The following KCNJ6 variants were observed in gnomAD, a reference collection of about 807,000 sequenced individuals.
KCNJ6 encodes the protein potassium inwardly rectifying channel subfamily J member 6.
In KCNJ6, 9 loss-of-function variants were observed where a neutral mutation model predicts 34.2. That is an observed-to-expected ratio of 0.26 (90% confidence interval 0.16 to 0.46). The LOEUF (loss-of-function observed/expected upper bound fraction) is 0.46, where lower values mean the gene tolerates loss of function less well. Ranked by LOEUF, KCNJ6 falls within the 20% of genes least tolerant of loss-of-function variation. KCNJ6 has a pLI of 1.00. For synonymous variants in KCNJ6, 196 were observed against 207.1 expected (o/e 0.95, Z 0.46); for missense variants, 236 against 531.3 (o/e 0.44, Z 5.46).
chr21:37,720,110 T>G (rs889768693), intron 2 of KCNJ6, among the ~76,000 whole-genome samples: 1 of 145,578 alleles, frequency 6.9e-6, no homozygotes. Context: ...GGTGGGGGGG[T>G]TCATGAGTAC....
intron 2 of KCNJ6, among the ~76,000 whole-genome samples, chr21:37,823,970 C>T (rs11910276): frequency 0.19 from 29,073 of 152,018 alleles, 4,398 homozygotes; most frequent in East Asian, 0.44. Flanking sequence ...ATTATCACCA[C>T]AAAAATGATG....
chr21:37,910,128 A>T (rs2055860171), intron 1 of KCNJ6, among the ~76,000 whole-genome samples: 1 of 152,206 alleles, frequency 6.6e-6, no homozygotes, highest in South Asian at 2.1e-4. Context: ...GCAGAGCCAC[A>T]GCTGACCAGC....
At chr21:37,874,412 T>C (rs2055667521) in intron 1 of KCNJ6, among the ~76,000 whole-genome samples, 1 of 152,236 alleles carries the variant, frequency 6.6e-6, no homozygotes, top group African/African-American at 2.4e-5. Context: ...TCTCCAGCCC[T>C]TGAACTCCAG....
At chr21:37,744,168 G>C (rs974537362) in intron 2 of KCNJ6, among the ~76,000 whole-genome samples, 2 of 128,554 alleles carry the variant, frequency 1.6e-5, no homozygotes, top group Non-Finnish European at 3.3e-5. Context: ...GTTGTGGGGT[G>C]GGGGGAGGGG....
chr21:37,865,603 A>AG (rs1332751662), intron 1 of KCNJ6, among the ~76,000 whole-genome samples: 14 of 152,356 alleles, frequency 9.2e-5, no homozygotes, highest in South Asian at 2.1e-4. Flanking sequence ...TTATGAATGG[A>AG]GGAGCCAGCT....
At chr21:37,700,639 G>T (rs2054685809) in intron 3 of KCNJ6, among the ~76,000 whole-genome samples, 1 of 152,170 alleles carries the variant, frequency 6.6e-6, no homozygotes, top group Non-Finnish European at 1.5e-5. Flanking sequence ...GGGCTTGGTG[G>T]CATGAACCAG....
At chr21:37,717,756 A>G (rs2054801220) in intron 2 of KCNJ6, among the ~76,000 whole-genome samples, 2 of 152,168 alleles carry the variant, frequency 1.3e-5, no homozygotes. Context: ...GTGCAAAGCC[A>G]CCCTAAGCTC....
At chr21:37,899,912 C>T (rs1466763058) in intron 1 of KCNJ6, among the ~76,000 whole-genome samples, 1 of 152,206 alleles carries the variant, frequency 6.6e-6, no homozygotes, top group Non-Finnish European at 1.5e-5. Flanking sequence ...GTTAATTCCT[C>T]CTTTACAACT....
intron 3 of KCNJ6, among the ~76,000 whole-genome samples, chr21:37,688,413 TG>T (rs1254848248): frequency 6.6e-6 from 1 of 152,042 alleles, no homozygotes; most frequent in Admixed American, 6.6e-5. Flanking sequence ...TTCTATGCTA[TG>T]TTTTTTTTTA....
chr21:37,873,460 G>C (rs1028133483), intron 1 of KCNJ6, among the ~76,000 whole-genome samples: 1 of 152,190 alleles, frequency 6.6e-6, no homozygotes, highest in Non-Finnish European at 1.5e-5. Flanking sequence ...AGGCAGACTA[G>C]TGCAGTCAGT....
At chr21:37,721,911 G>A (rs2054828431) in intron 2 of KCNJ6, among the ~76,000 whole-genome samples, 2 of 152,118 alleles carry the variant, frequency 1.3e-5, no homozygotes, top group South Asian at 4.1e-4. Context: ...GGGATGGTGG[G>A]GCATCTGAAA....
At chr21:37,682,678 G>T (rs1330360112) in intron 3 of KCNJ6, among the ~76,000 whole-genome samples, 1 of 152,138 alleles carries the variant, frequency 6.6e-6, no homozygotes, top group Non-Finnish European at 1.5e-5. Context: ...TTCCTATAAG[G>T]CCCCATTCAT....
chr21:37,607,482 A>ATATATATATATATT lies in KCNJ6; in HGVS notation c.*17676_*17677insAATATATATATATA. On this transcript the variant is annotated 3_prime_UTR_variant, in exon 4 of 4. Transcript: ENST00000609713. ...CTTAAAGATATATATATATATATAT[A>ATATATATATATATT]TTTTTTTTTTATTTTAAAAAAATTT... The ATATATATATATATT allele has an allele frequency of 2.3e-3, 319 of 136,722 alleles. 2 individuals are homozygous for ATATATATATATATT. Among genetic ancestry groups the ATATATATATATATT allele is most frequent in the Admixed American group, 4.8e-3 (65 of 13,434 alleles). The allele number at this position is 136,722 out of a possible 1,614,324, so 8.5% of individuals were successfully genotyped here. A position where few individuals can be genotyped will look rare whatever the true frequency, so the allele number is the denominator to read the frequency against.
At chr21:37,834,834 G>T (rs930337233) in intron 2 of KCNJ6, among the ~76,000 whole-genome samples, 8 of 152,218 alleles carry the variant, frequency 5.3e-5, no homozygotes, top group African/African-American at 1.9e-4. Context: ...TTGACTCTTT[G>T]CAGAAAAAGA....
At position 37,695,123 on chromosome 21, in the gene KCNJ6, G is replaced by A. The variant is rs561860233; in HGVS notation, c.946+19088C>T. On this transcript the variant is annotated intron_variant, in intron 3 of 3. Coordinates refer to ENST00000609713, the MANE Select transcript of KCNJ6 (RefSeq NM_002240.5). The surrounding 1 kb of genome is among the most constrained non-coding windows in gnomAD (Gnocchi z 4.2). ...TATGGAGAGAGTAGCCCCTAGGGTA[G>A]GGACCTAAAAAGCACCAGGAATGAA... Among the ~76,000 whole-genome samples the A allele has an allele frequency of 5.3e-5, 8 of 152,310 alleles. No homozygotes were observed. The highest frequency in any genetic ancestry group is 1.2e-4 in the Non-Finnish European group (8 of 68,020).
chr21:37,728,082 CA>C (rs1477211134), intron 2 of KCNJ6, among the ~76,000 whole-genome samples: 3 of 152,192 alleles, frequency 2.0e-5, no homozygotes, highest in Non-Finnish European at 4.4e-5. Flanking sequence ...AATGGATAAA[CA>C]AAATGTGTTC....
chr21:37,861,169 T>C (rs1035065028), intron 1 of KCNJ6, among the ~76,000 whole-genome samples: 7 of 152,214 alleles, frequency 4.6e-5, no homozygotes, highest in Non-Finnish European at 1.0e-4. Flanking sequence ...GACTGTCAAC[T>C]CTGGTGTATT....
rs1289248579 is a variant in KCNJ6 at position 37,609,400 on chromosome 21, AAG to A, written c.*15757_*15758del. 1 of 152,218 alleles carries A rather than the reference AAG, an allele frequency of 6.6e-6. No homozygotes were observed. Among genetic ancestry groups the A allele is most frequent in the African/African-American group, 2.4e-5 (1 of 41,446 alleles). 9.4% of individuals were successfully genotyped at this position (152,218 alleles called of 1,614,324 possible). On this transcript the variant is annotated 3_prime_UTR_variant, in exon 4 of 4. Coordinates refer to ENST00000609713, the MANE Select transcript of KCNJ6 (RefSeq NM_002240.5). ...CTTCAATCGCATAGATTCAAAATTAAAGAGACTATTGAAACCTTGGCACTGCT... is the reference window on the plus strand; with the variant it reads ...CTTCAATCGCATAGATTCAAAATTAAAGACTATTGAAACCTTGGCACTGCT...
At chr21:37,844,064 A>ATTTTT (rs3061052) in intron 1 of KCNJ6, among the ~76,000 whole-genome samples, 12 of 143,564 alleles carry the variant, frequency 8.4e-5, no homozygotes, top group African/African-American at 2.8e-4. Flanking sequence ...GATATTTTGC[A>ATTTTT]TTTTTTTTTT....
Sources: gnomAD v4.1 joint callset for allele counts (sites outside exome capture counted in the v4.1 genomes callset) on GRCh38, gnomAD v4.1.1 for gene constraint, Gnocchi (gnomAD v3.1) non-coding constraint, MANE v1.5 for transcripts, NCBI Gene and HGNC (gene_info 2026-07-23, HGNC 2026-07-21) for gene names.